The following MKNK1 variants were observed in gnomAD, a reference collection of about 807,000 sequenced individuals.
The protein encoded by MKNK1 is MAP kinase-interacting serine/threonine-protein kinase 1.
Under a neutral mutation model 49.3 loss-of-function variants are expected in MKNK1, and 30 were observed. That is an observed-to-expected ratio of 0.61 (90% CI 0.46 to 0.83). The LOEUF (loss-of-function observed/expected upper bound fraction) is 0.83, where lower values mean the gene tolerates loss of function less well. Ranked by LOEUF, MKNK1 falls within the 40% of genes least tolerant of loss-of-function variation. MKNK1 has a pLI of 0.00. For synonymous variants in MKNK1, 176 were observed against 201.7 expected, an observed-to-expected ratio of 0.87 and a Z score of 1.08; for missense variants, 423 against 524.7, an observed-to-expected ratio of 0.81 and a Z score of 1.89.
At chr1:46,587,085 C>T (rs1672680085) in intron 2 of MKNK1, among the ~76,000 whole-genome samples, 1 of 152,264 alleles carries the variant, frequency 6.6e-6, no homozygotes, top group African/African-American at 2.4e-5. Flanking sequence ...GCTGGGATTA[C>T]AGACGTGAAC....
intron 8 of MKNK1, chr1:46,565,382 T>G (rs1668884035): frequency 7.7e-6 from 4 of 519,990 alleles, no homozygotes; most frequent in Non-Finnish European, 1.4e-5. Context: ...GTCAGATTAT[T>G]GTGAACTCAG....
At chr1:46,567,658 G>A (rs766690238) in intron 8 of MKNK1, among the ~76,000 whole-genome samples, 1 of 152,068 alleles carries the variant, frequency 6.6e-6, no homozygotes, top group Non-Finnish European at 1.5e-5. Context: ...TATGAGCCGC[G>A]GCTTCATCCA....
Position 46,604,209 on chromosome 1 carries a change from G to C in MKNK1, c.-195C>G, listed in dbSNP as rs1450439918. The C allele has an allele frequency of 1.3e-5, 2 of 152,290 alleles. No individual in the cohort carries two copies. The highest frequency in any genetic ancestry group is 2.9e-5 in the Non-Finnish European group (2 of 68,090). The allele number at this position is 152,290 out of a possible 1,614,324, so 9.4% of individuals were successfully genotyped here. On this transcript the variant is annotated 5_prime_UTR_variant, in exon 1 of 13. Transcript: ENST00000371945. ...CCTTCGCTGGCTCCCGCCGGGGAGCGGTCGCGCGCACCCCTACCTGCAGAT... is the reference window on the plus strand; with the variant it reads ...CCTTCGCTGGCTCCCGCCGGGGAGCCGTCGCGCGCACCCCTACCTGCAGAT...
Position 46,560,236 on chromosome 1 carries a change from C to G in MKNK1, c.1011G>C (p.Gln337His). The G allele has an allele frequency of 6.2e-7, 1 of 1,614,108 alleles. No homozygotes were observed. Among genetic ancestry groups the G allele is most frequent in the Non-Finnish European group, 8.5e-7 (1 of 1,179,990 alleles). The change falls in exon 12 of 13, where the codon CAG becomes CAC. Residue 337 changes from glutamine (Q) to histidine (H), a missense_variant and splice_region_variant. Coordinates refer to ENST00000371945, the MANE Select transcript of MKNK1 (RefSeq NM_001135553.4). ...EKGLPTPQVL[Q>H]RNSSTMDLTL... ...GTGGGGGTGGTCAGAGCATTTACCTCTGGAGGACTTGCGGCGTGGGGAGTC... is the reference window on the plus strand; with the variant it reads ...GTGGGGGTGGTCAGAGCATTTACCTGTGGAGGACTTGCGGCGTGGGGAGTC...
intron 4 of MKNK1, 149 bp downstream of exon 4, chr1:46,580,381 T>A (rs1671553993): frequency 1.6e-6 from 1 of 638,220 alleles, no homozygotes; most frequent in Non-Finnish European, 2.8e-6. Flanking sequence ...TTGCCCGAGG[T>A]ACACAGTAAG....
rs183655404 is a variant in MKNK1 at position 46,585,822 on chromosome 1, G to A, written c.-2-2493C>T. 2,007 of 947,688 alleles carry A rather than the reference G, an allele frequency of 2.1e-3. 4 individuals carry two copies. The highest frequency in any genetic ancestry group is 2.9e-3 in the Non-Finnish European group (1,845 of 639,248). 58.7% of individuals were successfully genotyped at this position (947,688 alleles called of 1,614,324 possible). A position where few individuals can be genotyped will look rare whatever the true frequency, so the allele number is the denominator to read the frequency against. On this transcript the variant is annotated intron_variant, in intron 2 of 12. Transcript: ENST00000371945. ...GAGAAGCATACCTCACAGCACCACC[G>A]CACACGTAACATTAGATTTTATGGC...
At chr1:46,558,990 T>A (rs1355895027) in intron 12 of MKNK1, among the ~76,000 whole-genome samples, 190 bp from the exon 13 acceptor site, 1 of 152,138 alleles carries the variant, frequency 6.6e-6, no homozygotes, top group South Asian at 2.1e-4. Flanking sequence ...GGATTTTAAT[T>A]TGAGCCCCAA....
rs992098717 is a variant in MKNK1 at position 46,589,633 on chromosome 1, C to T, written c.-3+4480G>A. On this transcript the variant is annotated intron_variant, in intron 2 of 12. Transcript: ENST00000371945. This position sits in a 1 kb window ranked among gnomAD's most constrained non-coding sequence, Gnocchi z 4.3. ...ATAGTAAGTGTGAAGGATACAGATC[C>T]AGGAATCATCCTGGTTCCTGCAGGG... 2.6e-5 allele frequency among the ~76,000 whole-genome samples: 4 copies of T among 152,132 alleles called. No homozygotes were observed. Among genetic ancestry groups the T allele is most frequent in the African/African-American group, 9.7e-5 (4 of 41,422 alleles).
At chr1:46,563,053 G>A in intron 9 of MKNK1, 1 of 533,240 alleles carries the variant, frequency 1.9e-6, no homozygotes, top group Non-Finnish European at 3.3e-6. Context: ...ATCCAGAGGA[G>A]CAGTTCAGGT....
At chr1:46,601,221 T>A (rs1398570196) in intron 1 of MKNK1, among the ~76,000 whole-genome samples, 1 of 152,196 alleles carries the variant, frequency 6.6e-6, no homozygotes, top group East Asian at 1.9e-4. Context: ...GGCCTCCTTG[T>A]GTAATCTCAA....
chr1:46,589,172 C>T lies in MKNK1; in HGVS notation c.-3+4941G>A, dbSNP rs574555594. ...TGATGGCGTTTAAATCTGCTGCTGACGCTTAAAACAATTTCAACATAGTAG... is the reference window on the plus strand; with the variant it reads ...TGATGGCGTTTAAATCTGCTGCTGATGCTTAAAACAATTTCAACATAGTAG... On this transcript the variant is annotated intron_variant, in intron 2 of 12. Coordinates refer to ENST00000371945, the MANE Select transcript of MKNK1 (RefSeq NM_001135553.4). The surrounding 1 kb of genome is among the most constrained non-coding windows in gnomAD (Gnocchi z 4.3). Among the ~76,000 whole-genome samples, 210 of 152,340 alleles carry T rather than the reference C, an allele frequency of 1.4e-3. 1 individual carries two copies. Among genetic ancestry groups the T allele is most frequent in the Non-Finnish European group, 2.6e-3 (179 of 68,030 alleles).
intron 5 of MKNK1, chr1:46,575,263 C>T: frequency 2.3e-6 from 1 of 432,614 alleles, no homozygotes; most frequent in South Asian, 3.4e-5. Context: ...TCTGTGCTGT[C>T]AAACCCCAGC....
At chr1:46,584,247 C>G (rs1672174203) in intron 2 of MKNK1, among the ~76,000 whole-genome samples, 1 of 152,190 alleles carries the variant, frequency 6.6e-6, no homozygotes, top group Non-Finnish European at 1.5e-5. Context: ...ATGGGCCTTT[C>G]CCTGTTAAAG....
chr1:46,576,503 G>A, intron 5 of MKNK1, 72 bp downstream of exon 5: 1 of 1,271,300 alleles, frequency 7.9e-7, no homozygotes, highest in Non-Finnish European at 1.2e-6. Flanking sequence ...GTCAGGAGAT[G>A]GTAAGAAATA....
rs2148736287 is a variant in MKNK1, at chr1:46,589,838, C to T, written c.-3+4275G>A. 6.6e-6 allele frequency among the ~76,000 whole-genome samples: 1 copy of T among 152,306 alleles called. No homozygotes were observed. Among genetic ancestry groups the T allele is most frequent in the South Asian group, 2.1e-4 (1 of 4,824 alleles). On this transcript the variant is annotated intron_variant, in intron 2 of 12. Coordinates refer to ENST00000371945, the MANE Select transcript of MKNK1 (RefSeq NM_001135553.4). The surrounding 1 kb of genome is among the most constrained non-coding windows in gnomAD (Gnocchi z 4.3). ...TACTTCTCCATAGTCTTATGAGCCA[C>T]ATTGTCCCCAAAGGAACCAGATCTG...
Position 46,595,442 on chromosome 1 carries a change from C to G in MKNK1, c.-170-1162G>C, listed in dbSNP as rs944626240. On this transcript the variant is annotated intron_variant, in intron 1 of 12. Transcript: ENST00000371945. ...CCACTGCCTCCTTCCTCTGACTTCT[C>G]TTCTTCCCTATCAGATCACGTCATC... is the stretch of plus-strand genomic sequence containing the variant. Among the ~76,000 whole-genome samples, 8 of 152,104 alleles carry G rather than the reference C, an allele frequency of 5.3e-5. 1 individual carries two copies. The highest frequency in any genetic ancestry group is 1.9e-4 in the African/African-American group (8 of 41,424).
chr1:46,560,146 G>C, intron 12 of MKNK1, 88 bp downstream of exon 12: 4 of 1,467,158 alleles, frequency 2.7e-6, no homozygotes, highest in Non-Finnish European at 3.8e-6. Context: ...AGCTACCTGA[G>C]CCTAGAGATG....
intron 8 of MKNK1, among the ~76,000 whole-genome samples, chr1:46,567,554 G>A (rs1669276718): frequency 6.6e-6 from 1 of 152,192 alleles, no homozygotes; most frequent in South Asian, 2.1e-4. Context: ...AGTGACAGAA[G>A]TCACAAGATC....
intron 2 of MKNK1, chr1:46,585,692 T>A (rs1672457793): frequency 4.6e-6 from 2 of 431,110 alleles, no homozygotes; most frequent in South Asian, 3.5e-5. Context: ...GGAGGCATTA[T>A]AATTCACAGG....
Sources: allele counts gnomAD v4.1 joint callset (sites outside exome capture counted in the v4.1 genomes callset), GRCh38; gene constraint gnomAD v4.1.1; non-coding constraint Gnocchi (gnomAD v3.1); transcripts MANE v1.5; gene names NCBI Gene and HGNC (gene_info 2026-07-23, HGNC 2026-07-21).